The following PLAAT3 variants were observed in gnomAD, a reference collection of about 807,000 sequenced individuals.
PLAAT3 encodes the protein Ca-independent phospholipase A1/2.
Under a neutral mutation model 16.7 loss-of-function variants are expected in PLAAT3, and 21 were observed. The observed-to-expected ratio is 1.26, with a 90% CI of 0.89 to 1.81. The LOEUF is 1.81. Among genes scored for constraint, PLAAT3 ranks in the 40% most tolerant of loss-of-function variants. The pLI, the probability that PLAAT3 is intolerant of heterozygous loss-of-function variation, is 0.00. For synonymous variants in PLAAT3, 76 were observed against 81.7 expected, an observed-to-expected ratio of 0.93 and a Z score of 0.38; for missense variants, 219 against 213.7, an observed-to-expected ratio of 1.02 and a Z score of -0.16.
chr11:63,580,664 A>T (rs1428787242), intron 4 of PLAAT3, among the ~76,000 whole-genome samples: 1 of 152,156 alleles, frequency 6.6e-6, no homozygotes, highest in Admixed American at 6.5e-5. Context: ...AAAAACAAAA[A>T]CAAAAAAAAG....
upstream of PLAAT3, among the ~76,000 whole-genome samples, chr11:63,616,137 C>CAT (rs1938867009): frequency 6.6e-6 from 1 of 152,156 alleles, no homozygotes; most frequent in African/African-American, 2.4e-5. Flanking sequence ...TTTTCAAGAA[C>CAT]ATAGTACATT....
intron 4 of PLAAT3, among the ~76,000 whole-genome samples, chr11:63,583,657 C>T (rs534241914): frequency 2.6e-5 from 4 of 152,328 alleles, no homozygotes; most frequent in African/African-American, 9.6e-5. Flanking sequence ...ACTGAAAGGT[C>T]CAATCCAGCT....
chr11:63,598,297 C>T (rs1938345149), intron 2 of PLAAT3, 134 bp from the exon 3 acceptor site: 9 of 654,210 alleles, frequency 1.4e-5, no homozygotes, highest in Non-Finnish European at 2.2e-5. Flanking sequence ...CCCTGCTCTG[C>T]CAGGTCCAAT....
chr11:63,613,124 C>T (rs1015893955), intron 2 of PLAAT3, among the ~76,000 whole-genome samples: 2 of 152,142 alleles, frequency 1.3e-5, no homozygotes, highest in Non-Finnish European at 2.9e-5. Context: ...ATAATCTTCA[C>T]TCTGCGGCAG....
At chr11:63,576,463 T>C (rs2017662863) in intron 4 of PLAAT3, among the ~76,000 whole-genome samples, 1 of 151,828 alleles carries the variant, frequency 6.6e-6, no homozygotes, top group Non-Finnish European at 1.5e-5. Context: ...TCTCTAAAAA[T>C]CACAAAAATT....
intron 3 of PLAAT3, among the ~76,000 whole-genome samples, chr11:63,594,675 C>T (rs903495358): frequency 2.0e-5 from 3 of 151,950 alleles, no homozygotes; most frequent in Admixed American, 6.6e-5. Flanking sequence ...GAATGGGAAG[C>T]GAGGAACCGG....
At chr11:63,608,701 T>G (rs1384290980) in intron 2 of PLAAT3, 1 of 152,224 alleles carries the variant, frequency 6.6e-6, no homozygotes, top group African/African-American at 2.4e-5. Context: ...GTTTATGACA[T>G]ATTTCAGGAC....
At chr11:63,580,546 T>A (rs1205812574) in intron 4 of PLAAT3, among the ~76,000 whole-genome samples, 1 of 152,028 alleles carries the variant, frequency 6.6e-6, no homozygotes, top group Non-Finnish European at 1.5e-5. Flanking sequence ...CCCAGCTACT[T>A]GGGAGGCTGA....
chr11:63,615,396 ATGTGTGTATATGTGTG>A (rs1224661334), upstream of PLAAT3, among the ~76,000 whole-genome samples: 138 of 75,766 alleles, frequency 1.8e-3, 27 homozygotes, highest in Admixed American at 5.5e-3. Flanking sequence ...ATGTGTATAT[ATGTGTGTATATGTGTG>A]TGTGTGTGTG....
rs989784185 is a variant in PLAAT3, at chr11:63,577,838, G to T, written c.388-2792C>A. On this transcript the variant is annotated intron_variant, in intron 4 of 4. Transcript: ENST00000415826. Reference sequence around the variant, plus strand: ...GTACTATAAAAAATAATGCAATATTGAGAAAATAAAAACGGTTCATAGAAA... The same window carrying T: ...GTACTATAAAAAATAATGCAATATTTAGAAAATAAAAACGGTTCATAGAAA... 2.0e-5 allele frequency among the ~76,000 whole-genome samples: 3 copies of T among 151,864 alleles called. No individual in the cohort carries two copies. In the East Asian group the frequency reaches 5.8e-4, roughly 29 times the overall value.
intron 2 of PLAAT3, among the ~76,000 whole-genome samples, chr11:63,601,044 C>CA (rs139786149): frequency 0.24 from 29,417 of 122,830 alleles, 4,045 homozygotes; most frequent in East Asian, 0.53. Flanking sequence ...AAAAATTAAA[C>CA]AAAAAAAAAA....
chr11:63,574,889 C>T lies in PLAAT3; in HGVS notation c.*56G>A, dbSNP rs115046286. The T allele has an allele frequency of 5.0e-4, 525 of 1,041,714 alleles. 3 individuals are homozygous for T. The African/African-American group carries it at 7.8e-3, about 15-fold the overall frequency. 64.5% of individuals were successfully genotyped at this position (1,041,714 alleles called of 1,614,324 possible). A position where few individuals can be genotyped will look rare whatever the true frequency, so the allele number is the denominator to read the frequency against. ...ACAAACCAAACCCCAAACTCTCTAG[C>T]AAAACAAGACCCCCTTGATGTATAA... On this transcript the variant is annotated 3_prime_UTR_variant, in exon 5 of 5. Coordinates refer to ENST00000415826, the MANE Select transcript of PLAAT3 (RefSeq NM_001128203.2).
At chr11:63,602,585 CTT>C (rs1287200109) in intron 2 of PLAAT3, among the ~76,000 whole-genome samples, 2 of 143,756 alleles carry the variant, frequency 1.4e-5, no homozygotes. Flanking sequence ...ATGGTTTGTA[CTT>C]TTTTTTTTTT....
chr11:63,602,269 G>A (rs1938451945), intron 2 of PLAAT3, among the ~76,000 whole-genome samples: 1 of 134,778 alleles, frequency 7.4e-6, no homozygotes, highest in South Asian at 2.6e-4. Context: ...CAGCCTGGGT[G>A]ACAGTGAAAC....
At chr11:63,599,135 A>G (rs985354565) in intron 2 of PLAAT3, among the ~76,000 whole-genome samples, 3 of 152,168 alleles carry the variant, frequency 2.0e-5, no homozygotes, top group Non-Finnish European at 4.4e-5. Context: ...GGGGTAAAGA[A>G]CTTCTCCAGG....
At position 63,613,349 on chromosome 11, in the gene PLAAT3, C is replaced by T. The variant is rs1300541660; in HGVS notation, c.15+651G>A. Among the ~76,000 whole-genome samples, 16 of 151,868 alleles carry T rather than the reference C, an allele frequency of 1.1e-4. 2 individuals carry two copies. In the South Asian group the frequency reaches 3.3e-3, roughly 32 times the overall value. On this transcript the variant is annotated intron_variant, in intron 2 of 4. Transcript: ENST00000415826. ...TCGCTTGAACCCGAGAGGCGGAGGT[C>T]GCAGTGAGCCGAGATCATGCCACTG...
chr11:63,599,570 AG>A (rs1409159665), intron 2 of PLAAT3, among the ~76,000 whole-genome samples: 1 of 152,238 alleles, frequency 6.6e-6, no homozygotes, highest in African/African-American at 2.4e-5. Flanking sequence ...CATGTGTGGC[AG>A]GGAATTTTAC....
At chr11:63,607,952 C>T (rs543386649) in intron 2 of PLAAT3, among the ~76,000 whole-genome samples, 111 of 151,744 alleles carry the variant, frequency 7.3e-4, no homozygotes, top group Non-Finnish European at 1.4e-3. Flanking sequence ...TTTGGGAGGC[C>T]GAGGCAGGCA....
chr11:63,591,223 A>T (rs972313426), intron 3 of PLAAT3, among the ~76,000 whole-genome samples: 2 of 152,156 alleles, frequency 1.3e-5, no homozygotes, highest in Non-Finnish European at 2.9e-5. Flanking sequence ...CTCTACAAAA[A>T]ATACAAAAAC....
Sources: gnomAD v4.1 joint callset for allele counts (sites outside exome capture counted in the v4.1 genomes callset) on GRCh38, gnomAD v4.1.1 for gene constraint, MANE v1.5 for transcripts, NCBI Gene and HGNC (gene_info 2026-07-23, HGNC 2026-07-21) for gene names.